Variants in KRT12 observed in about 807,000 individuals in gnomAD.
KRT12 encodes the protein keratin, type I cytoskeletal 12.
A neutral mutation model predicts 50.2 loss-of-function variants in KRT12; 43 were observed. The observed-to-expected ratio is 0.86, with a 90% CI of 0.67 to 1.11. The LOEUF is 1.11. KRT12 is among the 50% of genes least tolerant of loss of function. The pLI is 0.00. For missense variants in KRT12, 588 were observed against 625.6 expected, an observed-to-expected ratio of 0.94 and a Z score of 0.64; for synonymous variants, 257 against 253.6, an observed-to-expected ratio of 1.01 and a Z score of -0.13.
Position 40,866,182 on chromosome 17 carries a change from C to A in KRT12, c.623G>T (p.Arg208Ile). The A allele has an allele frequency of 6.2e-7, 1 of 1,614,126 alleles. No individual in the cohort carries two copies. The highest frequency in any genetic ancestry group is 8.5e-7 in the Non-Finnish European group (1 of 1,179,998). ...AQLLLQIDNARLAAEDFRMKY... is the reference protein window; with the variant it reads ...AQLLLQIDNAILAAEDFRMKY... Reference sequence around the variant, plus strand: ...CATCCTGAAGTCCTCAGCAGCTAGTCTCGCATTGTCAATCTGCAAGAGGAG... The same window carrying A: ...CATCCTGAAGTCCTCAGCAGCTAGTATCGCATTGTCAATCTGCAAGAGGAG... Residue 208 changes from arginine to isoleucine, a missense_variant, in exon 2 of 8, where the codon AGA becomes ATA. Coordinates refer to ENST00000251643, the MANE Select transcript of KRT12 (RefSeq NM_000223.4).
In KRT12 at chr17:40,864,802, T is replaced by G; in HGVS notation, c.807+4A>C. Reference sequence around the variant, plus strand: ...GCTGAGTGAGGCTGCCCTGTCTGACTCACATCCTCGTGGTTCTTCTTCATG... The same window carrying G: ...GCTGAGTGAGGCTGCCCTGTCTGACGCACATCCTCGTGGTTCTTCTTCATG... On this transcript the variant is annotated splice_donor_region_variant and intron_variant, in intron 3 of 7. Transcript: ENST00000251643. The G allele has an allele frequency of 1.2e-6, 2 of 1,613,826 alleles. No individual in the cohort carries two copies. Among genetic ancestry groups the G allele is most frequent in the Non-Finnish European group, 1.7e-6 (2 of 1,179,974 alleles).
In KRT12 at chr17:40,863,431, A is replaced by C; in HGVS notation, c.1095+54T>G. The C allele has an allele frequency of 6.2e-7, 1 of 1,614,228 alleles. No homozygotes were observed. The highest frequency in any genetic ancestry group is 2.2e-5 in the East Asian group (1 of 44,892). On this transcript the variant is annotated intron_variant, in intron 5 of 7. Transcript: ENST00000251643. The surrounding 1 kb of genome is among the most constrained non-coding windows in gnomAD (Gnocchi z 4.2). ...CCAACGGCTAATGTAATTTGGATGC[A>C]GCATTTTCTTTGGAAGTCCAAAGGA...
intron 7 of KRT12, among the ~76,000 whole-genome samples, chr17:40,861,972 T>A (rs1454252776): frequency 6.6e-6 from 1 of 152,238 alleles, no homozygotes; most frequent in Admixed American, 6.5e-5. Context: ...AAACTTTTTT[T>A]AAGAAAACAT....
chr17:40,866,052 A>G, intron 2 of KRT12, 103 bp downstream of exon 2: 1 of 846,340 alleles, frequency 1.2e-6, no homozygotes, highest in South Asian at 1.4e-5. Context: ...CAGTAAATAT[A>G]TGGAGTATGT....
At chr17:40,862,495 G>A (rs974329035) in intron 7 of KRT12, 70 bp downstream of exon 7, 1 of 959,580 alleles carries the variant, frequency 1.0e-6, no homozygotes, top group Non-Finnish European at 1.7e-6. Context: ...TAGTCAATGA[G>A]GTCTTACAGG....
chr17:40,866,503 G>T (rs2143268806), intron 1 of KRT12, 117 bp downstream of exon 1: 2 of 904,770 alleles, frequency 2.2e-6, no homozygotes, highest in East Asian at 2.5e-5. Flanking sequence ...TGAGAAAATT[G>T]CTGCAAGTAC....
chr17:40,862,680 G>A (rs1273262870), intron 6 of KRT12, 45 bp from the exon 7 acceptor site: 1 of 1,329,742 alleles, frequency 7.5e-7, no homozygotes. Context: ...GAAACAACCT[G>A]GCTTTTAATG....
At position 40,864,837 on chromosome 17, in the gene KRT12, T is replaced by C. The variant is rs775459942; in HGVS notation, c.776A>G (p.Glu259Gly). 2 of 1,614,158 alleles carry C rather than the reference T, an allele frequency of 1.2e-6. No homozygotes were observed. The highest frequency in any genetic ancestry group is 1.7e-6 in the Non-Finnish European group (2 of 1,180,036). The change falls in exon 3 of 8, where the codon GAG becomes GGG. Residue 259 changes from glutamate to glycine, a missense_variant. Transcript: ENST00000251643. ...GTGGTTCTTCTTCATGTAGGCCAGC[T>C]CCTCGTTCAGGCTCTCGATCTGCAT... ...LEMQIESLNEELAYMKKNHED... is the reference protein window; with the variant it reads ...LEMQIESLNEGLAYMKKNHED...
chr17:40,861,990 G>A (rs960460111), intron 7 of KRT12, among the ~76,000 whole-genome samples: 2 of 152,080 alleles, frequency 1.3e-5, no homozygotes, highest in Non-Finnish European at 2.9e-5. Context: ...CATTTCAAAG[G>A]TGGTTATGGT....
intron 3 of KRT12, among the ~76,000 whole-genome samples, chr17:40,864,335 T>C (rs375638547): frequency 4.6e-5 from 7 of 152,166 alleles, no homozygotes; most frequent in South Asian, 2.1e-4. Flanking sequence ...AGAAACTTCC[T>C]ATTGCCAGCA....
At position 40,863,155 on chromosome 17, in the gene KRT12, G is replaced by A. The variant is rs530681160; in HGVS notation, c.1284C>T (p.Thr428=). ...CCTCCCCGTCCAGCAGGCGGCGGTA[G>A]GTCTCAATCTCCAGCTCCAGGCGGG... is the stretch of plus-strand genomic sequence containing the variant. ...VKARLELEIE[T]YRRLLDGEAQ... The change falls in exon 6 of 8, where the codon ACC becomes ACT. Residue 428 remains threonine (T), a synonymous_variant. Coordinates refer to ENST00000251643, the MANE Select transcript of KRT12 (RefSeq NM_000223.4). The surrounding 1 kb of genome is among the most constrained non-coding windows in gnomAD (Gnocchi z 4.2). 3 of 1,614,138 alleles carry A rather than the reference G, an allele frequency of 1.9e-6. No homozygotes were observed. Among genetic ancestry groups the A allele is most frequent in the East Asian group, 2.2e-5 (1 of 44,888 alleles).
rs139647784 is a variant in KRT12, at chr17:40,863,770, A to G, written c.902T>C (p.Met301Thr). The G allele has an allele frequency of 2.7e-3, 4,380 of 1,613,058 alleles. 11 individuals are homozygous for G. The highest frequency in any genetic ancestry group is 3.4e-3 in the Non-Finnish European group (4,004 of 1,179,994). The change falls in exon 4 of 8, where the codon ATG (methionine) becomes ACG (threonine). Residue 301 changes from methionine (M) to threonine (T), a missense_variant. Transcript: ENST00000251643. This position sits in a 1 kb window ranked among gnomAD's most constrained non-coding sequence, Gnocchi z 4.2. ...AGCGATGGTTTCATACTGCGCCCGC[A>G]TATCATTGAGGAGCCTGGTGAGGTC... ...GVDLTRLLND[M>T]RAQYETIAEQ...
chr17:40,864,738 G>C, intron 3 of KRT12, 68 bp downstream of exon 3: 1 of 1,519,990 alleles, frequency 6.6e-7, no homozygotes, highest in Non-Finnish European at 9.1e-7. Flanking sequence ...TTCTAAATTT[G>C]AAATTGTAAT....
chr17:40,866,843 C>T lies in KRT12; in HGVS notation c.344G>A (p.Gly115Asp). ...TCCAGAAAGAAGGCCTCCATCATTG[C>T]CCGAGAGAATACCTAGAGAGCCACC... ...PGGGSLGILS[G>D]NDGGLLSGSE... The change falls in exon 1 of 8, where the codon GGC becomes GAC. Residue 115 changes from glycine (G) to aspartate (D), a missense_variant. Gly to Asp is a moderately conservative substitution (Grantham distance 94, BLOSUM62 -1). Transcript: ENST00000251643. 6.2e-7 allele frequency: 1 copy of T among 1,614,138 alleles called. No homozygotes were observed. The highest frequency in any genetic ancestry group is 8.5e-7 in the Non-Finnish European group (1 of 1,180,026).
In KRT12 at chr17:40,863,516, A is replaced by G; in HGVS notation, c.1064T>C (p.Leu355Pro). The change falls in exon 5 of 8, where the codon CTG becomes CCG. Residue 355 changes from leucine (L) to proline (P), a missense_variant. Leu to Pro is a moderately conservative substitution (Grantham distance 98). Transcript: ENST00000251643. This position sits in a 1 kb window ranked among gnomAD's most constrained non-coding sequence, Gnocchi z 4.2. The stretch of plus-strand genomic sequence containing the variant: ...GAGCTGGGACTGTAGCTCGATCTCC[A>G]GGTTCTGAAAGGCGCGACGCAGGTC... ...VTDLRRAFQN[L>P]EIELQSQLAM... 1 of 1,614,224 alleles carries G rather than the reference A, an allele frequency of 6.2e-7. No individual in the cohort carries two copies.
chr17:40,863,823 G>A lies in KRT12; in HGVS notation c.849C>T (p.Ser283=). The change falls in exon 4 of 8, where the codon AGC becomes AGT. Residue 283 remains serine (S), a synonymous_variant. Coordinates refer to ENST00000251643, the MANE Select transcript of KRT12 (RefSeq NM_000223.4). This position sits in a 1 kb window ranked among gnomAD's most constrained non-coding sequence, Gnocchi z 4.2. ...SFRVGGPGEV[S]VEMDAAPGVD... ...CTCCGGGGGCAGCGTCCATTTCTACGCTGACCTCGCCTGGGCCGCCCACCC... is the reference window on the plus strand; with the variant it reads ...CTCCGGGGGCAGCGTCCATTTCTACACTGACCTCGCCTGGGCCGCCCACCC... The A allele has an allele frequency of 6.2e-7, 1 of 1,611,172 alleles. No homozygotes were observed. The highest frequency in any genetic ancestry group is 8.5e-7 in the Non-Finnish European group (1 of 1,179,322).
rs202225978 is a variant in KRT12, at chr17:40,863,210, A to C, written c.1229T>G (p.Val410Gly). 2.0e-4 allele frequency: 324 copies of C among 1,614,054 alleles called. 1 individual carries two copies. The East Asian group carries it at 4.3e-3, about 21-fold the overall frequency. The change falls in exon 6 of 8, where the codon GTG becomes GGG. Residue 410 changes from valine (V) to glycine (G), a missense_variant. By Grantham distance (109) the Val-to-Gly change is moderately radical (BLOSUM62 -3). Coordinates refer to ENST00000251643, the MANE Select transcript of KRT12 (RefSeq NM_000223.4). The surrounding 1 kb of genome is among the most constrained non-coding windows in gnomAD (Gnocchi z 4.2). ...QVRADAERQNVDHQRLLNVKA... is the reference protein window; with the variant it reads ...QVRADAERQNGDHQRLLNVKA... ...GACATTCAGCAGCCGCTGGTGGTCC[A>C]CGTTCTGGCGCTCTGCGTCCGCGCG...
chr17:40,866,634 C>T lies in KRT12; in HGVS notation c.553G>A (p.Asp185Asn). The change falls in exon 1 of 8, where the codon GAC becomes AAC. Residue 185 changes from aspartate to asparagine, a missense_variant. By Grantham distance (23) the Asp-to-Asn change is conservative (BLOSUM62 1). Coordinates refer to ENST00000251643, the MANE Select transcript of KRT12 (RefSeq NM_000223.4). ...DYSKYYPLIEDLRNKIISASI... is the reference protein window; with the variant it reads ...DYSKYYPLIENLRNKIISASI... ...AGAGATCTTACCTTATTCCTGAGGT[C>T]TTCAATCAGTGGATAATATTTGCTG... is the stretch of plus-strand genomic sequence containing the variant. 6.2e-7 allele frequency: 1 copy of T among 1,613,970 alleles called. No homozygotes were observed. Among genetic ancestry groups the T allele is most frequent in the Non-Finnish European group, 8.5e-7 (1 of 1,179,906 alleles).
In KRT12 at chr17:40,863,305, G is replaced by T; in HGVS notation, c.1134C>A (p.Gly378=). The change falls in exon 6 of 8, where the codon GGC becomes GGA. Residue 378 remains glycine, a synonymous_variant. Coordinates refer to ENST00000251643, the MANE Select transcript of KRT12 (RefSeq NM_000223.4). The surrounding 1 kb of genome is among the most constrained non-coding windows in gnomAD (Gnocchi z 4.2). ...CCTGGGACAGCTGCGCGCAGTAATC[G>T]CCCTCGGCTTCGGCCAAGGAGTCCT... is the stretch of plus-strand genomic sequence containing the variant. The part of the protein sequence containing the change: ...SLEDSLAEAE[G]DYCAQLSQVQ... 1.2e-6 allele frequency: 2 copies of T among 1,613,962 alleles called. No homozygotes were observed. The highest frequency in any genetic ancestry group is 1.7e-6 in the Non-Finnish European group (2 of 1,179,980).
Sources: allele counts gnomAD v4.1 joint callset (sites outside exome capture counted in the v4.1 genomes callset), GRCh38; gene constraint gnomAD v4.1.1; non-coding constraint Gnocchi (gnomAD v3.1); transcripts MANE v1.5; gene names NCBI Gene and HGNC (gene_info 2026-07-23, HGNC 2026-07-21).